Variants in TULP4 observed in about 807,000 individuals in gnomAD.
The protein encoded by TULP4 is tubby-related protein 4.
Under a neutral mutation model 129.0 loss-of-function variants are expected in TULP4, and 16 were observed. The ratio of observed to expected loss-of-function variants is 0.12; its 90% CI spans 0.08 to 0.19. TULP4 has a LOEUF of 0.19. Among genes scored for constraint, TULP4 ranks in the 10% least tolerant of loss-of-function variants. TULP4 has a pLI of 1.00. For synonymous variants in TULP4, 998 were observed against 854.0 expected, an observed-to-expected ratio of 1.17 and a Z score of -2.94; for missense variants, 1,842 against 2,059.1, an observed-to-expected ratio of 0.89 and a Z score of 2.04.
intron 1 of TULP4, among the ~76,000 whole-genome samples, chr6:158,350,654 C>T (rs1376401011): frequency 6.6e-6 from 1 of 151,982 alleles, no homozygotes; most frequent in Admixed American, 6.5e-5. Flanking sequence ...GAGCCCGAGG[C>T]AGGGAGGTTG....
At chr6:158,397,461 G>A (rs575974467) in intron 1 of TULP4, among the ~76,000 whole-genome samples, 1 of 152,228 alleles carries the variant, frequency 6.6e-6, no homozygotes, top group East Asian at 1.9e-4. Context: ...CCAACCTGTG[G>A]GCCTCATGCA....
intron 6 of TULP4, among the ~76,000 whole-genome samples, chr6:158,471,646 T>C (rs1779684493): frequency 6.6e-6 from 1 of 152,220 alleles, no homozygotes; most frequent in South Asian, 2.1e-4. Flanking sequence ...GTTAAGGCCA[T>C]ATGTATGAGG....
At chr6:158,466,025 A>G (rs117699453) in intron 6 of TULP4, among the ~76,000 whole-genome samples, 1,853 of 152,370 alleles carry the variant, frequency 0.012, 20 homozygotes, top group Admixed American at 0.025. Context: ...GGCATGGCTC[A>G]AGGCTTGCCT....
rs915881542 is a variant in TULP4, at chr6:158,503,206, C to A, written c.3543C>A (p.Phe1181Leu). Residue 1181 changes from phenylalanine (F) to leucine (L), a missense_variant, in exon 13 of 14, where the codon TTC (phenylalanine) becomes TTA (leucine). This residue lies in a region of TULP4 where 1,089 missense variants were observed against 987.1 expected (regional missense o/e 1.10). Coordinates refer to ENST00000367097, the MANE Select transcript of TULP4 (RefSeq NM_020245.5). The surrounding 1 kb of genome is among the most constrained non-coding windows in gnomAD (Gnocchi z 4.3). ...CTCCTGCCAGCCCCACTGCCACTTT[C>A]CAAACAGGCTATGGGATGGGAGTGC... ...PKSPASPTAT[F>L]QTGYGMGVPY... 6.2e-7 allele frequency: 1 copy of A among 1,614,098 alleles called. No individual in the cohort carries two copies. Among genetic ancestry groups the A allele is most frequent in the Non-Finnish European group, 8.5e-7 (1 of 1,179,980 alleles).
chr6:158,318,246 G>A (rs1779537413), intron 1 of TULP4, among the ~76,000 whole-genome samples: 1 of 152,162 alleles, frequency 6.6e-6, no homozygotes, highest in Admixed American at 6.5e-5. Flanking sequence ...GATTGCTTGA[G>A]CTTAGGAGTT....
Position 158,376,963 on chromosome 6 carries a change from A to G in TULP4, c.253-36102A>G, listed in dbSNP as rs559077819. ...TGCCTACCTCGAGGCTGTTTGATGG[A>G]AAAGTAAAACTGCTTGTCTGAGACA... is the stretch of plus-strand genomic sequence containing the variant. On this transcript the variant is annotated intron_variant, in intron 1 of 13. Coordinates refer to ENST00000367097, the MANE Select transcript of TULP4 (RefSeq NM_020245.5). Among the ~76,000 whole-genome samples, 5 of 152,340 alleles carry G rather than the reference A, an allele frequency of 3.3e-5. No homozygotes were observed. The South Asian group carries it at 6.2e-4, about 19-fold the overall frequency.
intron 8 of TULP4, among the ~76,000 whole-genome samples, chr6:158,481,800 C>T (rs1394011371): frequency 6.6e-6 from 1 of 152,148 alleles, no homozygotes; most frequent in Non-Finnish European, 1.5e-5. Context: ...TATGAGTCAC[C>T]CTTTTCTTCT....
At chr6:158,457,950 A>G (rs969072807) in intron 5 of TULP4, among the ~76,000 whole-genome samples, 2 of 151,958 alleles carry the variant, frequency 1.3e-5, no homozygotes, top group African/African-American at 4.8e-5. Flanking sequence ...CTGTTATTTT[A>G]TCATCACACA....
intron 1 of TULP4, among the ~76,000 whole-genome samples, chr6:158,267,701 C>T (rs1169505851): frequency 6.6e-6 from 1 of 152,142 alleles, no homozygotes; most frequent in African/African-American, 2.4e-5. Context: ...GAGTGTTGCT[C>T]CCCTTTTCTA....
At chr6:158,309,574 A>G (rs1334876958), upstream of TULP4, among the ~76,000 whole-genome samples, 2 of 152,090 alleles carry the variant, frequency 1.3e-5, no homozygotes, top group East Asian at 2.0e-4. Context: ...AGCCGAGATC[A>G]TGCCACTGCA....
At chr6:158,322,757 C>T (rs1391593781) in intron 1 of TULP4, among the ~76,000 whole-genome samples, 1 of 152,110 alleles carries the variant, frequency 6.6e-6, no homozygotes, top group African/African-American at 2.4e-5. Flanking sequence ...TTGCCACTGT[C>T]GGGGGGCAAG....
chr6:158,369,862 T>C (rs1383245212), intron 1 of TULP4, among the ~76,000 whole-genome samples: 1 of 152,038 alleles, frequency 6.6e-6, no homozygotes, highest in African/African-American at 2.4e-5. Flanking sequence ...ATCTTTGACT[T>C]TTGTACCATG....
rs571522699 is a variant in TULP4, at chr6:158,418,548, T to C, written c.381+5355T>C. Among the ~76,000 whole-genome samples the C allele has an allele frequency of 4.6e-5, 7 of 152,248 alleles. No homozygotes were observed. In the South Asian group the frequency reaches 1.5e-3, roughly 32 times the overall value. ...GTTGGGAGACTGAGTCAAGAGGATC[T>C]CTTGTGACCAGAGTTCAAGATCAGC... On this transcript the variant is annotated intron_variant, in intron 2 of 13. Coordinates refer to ENST00000367097, the MANE Select transcript of TULP4 (RefSeq NM_020245.5).
At chr6:158,247,853 A>T (rs1562493781) in intron 1 of TULP4, among the ~76,000 whole-genome samples, 1 of 152,210 alleles carries the variant, frequency 6.6e-6, no homozygotes, top group Non-Finnish European at 1.5e-5. Flanking sequence ...AATATTCATG[A>T]AAAGTTGATC....
rs1264052475 is a variant in TULP4, at chr6:158,314,284, G to C, written c.252+16G>C. The C allele has an allele frequency of 6.2e-7, 1 of 1,609,084 alleles. No homozygotes were observed. Among genetic ancestry groups the C allele is most frequent in the African/African-American group, 1.3e-5 (1 of 74,966 alleles). On this transcript the variant is annotated intron_variant, in intron 1 of 13. Coordinates refer to ENST00000367097, the MANE Select transcript of TULP4 (RefSeq NM_020245.5). ...CAATAGCGAGGTGAGCTGTGGTTTT[G>C]TTTCACTTTTTGGTCACTTCCAGTG... is the stretch of plus-strand genomic sequence containing the variant.
chr6:158,404,876 C>T (rs1468181774), intron 1 of TULP4, among the ~76,000 whole-genome samples: 1 of 151,456 alleles, frequency 6.6e-6, no homozygotes, highest in Non-Finnish European at 1.5e-5. Context: ...GAGAGGAATA[C>T]AGAGGGCTCT....
chr6:158,387,517 C>T (rs1469595746), intron 1 of TULP4, among the ~76,000 whole-genome samples: 1 of 152,098 alleles, frequency 6.6e-6, no homozygotes, highest in East Asian at 1.9e-4. Flanking sequence ...AAGTAGCAGC[C>T]TGATCAGTAA....
intron 1 of TULP4, among the ~76,000 whole-genome samples, chr6:158,393,360 A>G (rs1300114094): frequency 6.6e-6 from 1 of 152,184 alleles, no homozygotes; most frequent in Non-Finnish European, 1.5e-5. Context: ...TGGGGTCTAG[A>G]GGATGGTGGC....
chr6:158,339,910 A>G (rs1298885230), intron 1 of TULP4, among the ~76,000 whole-genome samples: 1 of 152,232 alleles, frequency 6.6e-6, no homozygotes, highest in African/African-American at 2.4e-5. Context: ...ATAGGAAATC[A>G]CAAGAATATT....
Sources: gnomAD v4.1 joint callset for allele counts (sites outside exome capture counted in the v4.1 genomes callset) on GRCh38, gnomAD v4.1.1 for gene constraint, gnomAD v4.1.1 regional missense constraint, Gnocchi (gnomAD v3.1) non-coding constraint, MANE v1.5 for transcripts, NCBI Gene and HGNC (gene_info 2026-07-23, HGNC 2026-07-21) for gene names.